ONECUT1: variants seen among roughly 807,000 people sequenced by gnomAD.
ONECUT1 encodes the protein one cut homeobox 1, also known as hepatocyte nuclear factor 6.
Under a neutral mutation model 25.6 loss-of-function variants are expected in ONECUT1, and 12 were observed. The observed-to-expected ratio is 0.47, with a 90% CI of 0.30 to 0.76. The LOEUF is 0.76. Ranked by LOEUF, ONECUT1 falls within the 30% of genes least tolerant of loss-of-function variation. The probability of loss-of-function intolerance (pLI) is 0.07; values close to 1 mark genes in which losing one functional copy is unlikely to be tolerated. For missense variants in ONECUT1, 620 were observed against 651.2 expected (o/e 0.95, Z 0.52); for synonymous variants, 285 against 270.2 (o/e 1.05, Z -0.54).
In ONECUT1 at chr15:52,789,336, G is replaced by A; in HGVS notation, c.549C>T (p.Ser183=). ...AGMGQSLSPL[S]SSGLGSIHNS... is the part of the protein sequence containing the mutation. ...TGTGGATGCTGCCCAGACCGGAGCTGGAGAGGGGCGAGAGGCTCTGGCCCA... is the reference window on the plus strand; with the variant it reads ...TGTGGATGCTGCCCAGACCGGAGCTAGAGAGGGGCGAGAGGCTCTGGCCCA... The change falls in exon 1 of 2, where the codon TCC becomes TCT. Residue 183 remains serine, a synonymous_variant. Transcript: ENST00000305901. This position sits in a 1 kb window ranked among gnomAD's most constrained non-coding sequence, Gnocchi z 4.1. 1.9e-6 allele frequency: 3 copies of A among 1,592,202 alleles called. No individual in the cohort carries two copies. The highest frequency in any genetic ancestry group is 8.6e-7 in the Non-Finnish European group (1 of 1,167,088).
rs1596055678 is a variant in ONECUT1 at position 52,781,502 on chromosome 15, A to G, written c.1105+7278T>C. Among the ~76,000 whole-genome samples the G allele has an allele frequency of 2.0e-5, 3 of 152,180 alleles. No individual in the cohort carries two copies. The East Asian group carries it at 5.8e-4, about 29-fold the overall frequency. On this transcript the variant is annotated intron_variant, in intron 1 of 1. Transcript: ENST00000305901. ...CATTCTGACTCCACTAACCTGGTGC[A>G]CCTGTCCTGGCAACAGAAGCATGGG...
chr15:52,772,987 TA>T (rs1459266962), intron 1 of ONECUT1, among the ~76,000 whole-genome samples: 2 of 152,224 alleles, frequency 1.3e-5, no homozygotes, highest in African/African-American at 4.8e-5. Flanking sequence ...CAGGGCTTGT[TA>T]AAACGTGACA....
intron 1 of ONECUT1, among the ~76,000 whole-genome samples, chr15:52,781,650 G>A (rs2083842075): frequency 6.6e-6 from 1 of 152,208 alleles, no homozygotes; most frequent in Non-Finnish European, 1.5e-5. Flanking sequence ...AGGGAAAAAA[G>A]TGGTAAATAC....
Position 52,761,866 on chromosome 15 carries a change from T to A in ONECUT1, c.1106-4019A>T, listed in dbSNP as rs144435523. ...TAGGAAATGCAGATGGAGAAATGAG[T>A]TTTATGAGGATAGTAACCACTTCTC... On this transcript the variant is annotated intron_variant, in intron 1 of 1. Coordinates refer to ENST00000305901, the MANE Select transcript of ONECUT1 (RefSeq NM_004498.4). Among the ~76,000 whole-genome samples, 282 of 152,028 alleles carry A rather than the reference T, an allele frequency of 1.9e-3. 1 individual carries two copies. The highest frequency in any genetic ancestry group is 6.5e-3 in the African/African-American group (268 of 41,444).
At position 52,788,955 on chromosome 15, in the gene ONECUT1, G is replaced by A. The variant is rs145547859; in HGVS notation, c.930C>T (p.Ile310=). The change falls in exon 1 of 2, where the codon ATC becomes ATT. Residue 310 remains isoleucine, a synonymous_variant. Coordinates refer to ENST00000305901, the MANE Select transcript of ONECUT1 (RefSeq NM_004498.4). The surrounding 1 kb of genome is among the most constrained non-coding windows in gnomAD (Gnocchi z 4.3). ...CCCTCTGCGCGAAGATGGCCTGTGG[G>A]ATGCTGTAGCGCTTGAGCTCGGTGG... is the stretch of plus-strand genomic sequence containing the variant. ...RITTELKRYS[I]PQAIFAQRVL... is the part of the protein sequence containing the mutation. 57 of 1,613,582 alleles carry A rather than the reference G, an allele frequency of 3.5e-5. No homozygotes were observed. The highest frequency in any genetic ancestry group is 2.0e-4 in the Admixed American group (12 of 60,018).
intron 1 of ONECUT1, among the ~76,000 whole-genome samples, chr15:52,766,098 G>A (rs948662328): frequency 2.0e-5 from 3 of 152,228 alleles, no homozygotes; most frequent in Non-Finnish European, 4.4e-5. Context: ...AGAACATGCA[G>A]AGAGCAGACA....
chr15:52,760,941 G>T (rs2083702291), intron 1 of ONECUT1, among the ~76,000 whole-genome samples: 1 of 151,396 alleles, frequency 6.6e-6, no homozygotes, highest in South Asian at 2.1e-4. Context: ...CTGTGCACTT[G>T]TTCCTCCAGC....
intron 1 of ONECUT1, among the ~76,000 whole-genome samples, chr15:52,761,210 T>A (rs1341125057): frequency 6.6e-6 from 1 of 152,144 alleles, no homozygotes; most frequent in Non-Finnish European, 1.5e-5. Flanking sequence ...ATGAGGCTAT[T>A]TTTGCACCTA....
At chr15:52,775,608 T>C (rs2083794850) in intron 1 of ONECUT1, among the ~76,000 whole-genome samples, 1 of 152,120 alleles carries the variant, frequency 6.6e-6, no homozygotes, top group Admixed American at 6.6e-5. Flanking sequence ...AAAACTTGTT[T>C]TTTTCTGTAT....
chr15:52,767,486 G>A (rs7172228), intron 1 of ONECUT1, among the ~76,000 whole-genome samples: 1 of 151,906 alleles, frequency 6.6e-6, no homozygotes, highest in African/African-American at 2.4e-5. Flanking sequence ...TCATTCACGC[G>A]CATGTGCACA....
chr15:52,775,452 AACAC>A lies in ONECUT1; in HGVS notation c.1105+13324_1105+13327del, dbSNP rs139797470. The stretch of plus-strand genomic sequence containing the variant: ...AGGCCCTTGATTATTTTTAAAGAGG[AACAC>A]ACACACACACACACACACACACACA... On this transcript the variant is annotated intron_variant, in intron 1 of 1. Coordinates refer to ENST00000305901, the MANE Select transcript of ONECUT1 (RefSeq NM_004498.4). Among the ~76,000 whole-genome samples the A allele has an allele frequency of 9.2e-3, 1,292 of 140,970 alleles. 4 individuals are homozygous for A. Among genetic ancestry groups the A allele is most frequent in the Admixed American group, 0.025 (354 of 13,988 alleles). 92.5% of individuals were successfully genotyped at this position (140,970 alleles called of 152,430 possible).
chr15:52,762,723 A>G (rs1240029710), intron 1 of ONECUT1, among the ~76,000 whole-genome samples: 1 of 152,200 alleles, frequency 6.6e-6, no homozygotes, highest in African/African-American at 2.4e-5. Flanking sequence ...CCAAAGCTGG[A>G]GGTGCTGAAA....
chr15:52,779,568 C>G (rs2083826618), intron 1 of ONECUT1, among the ~76,000 whole-genome samples: 1 of 152,058 alleles, frequency 6.6e-6, no homozygotes, highest in Admixed American at 6.5e-5. Context: ...ATAAACAGTC[C>G]CCAATTATCT....
At position 52,757,502 on chromosome 15, in the gene ONECUT1, AT is replaced by A; in HGVS notation, c.*52del. 11 of 1,538,348 alleles carry A rather than the reference AT, an allele frequency of 7.2e-6. No individual in the cohort carries two copies. The highest frequency in any genetic ancestry group is 7.9e-6 in the Non-Finnish European group (9 of 1,145,148). On this transcript the variant is annotated 3_prime_UTR_variant, in exon 2 of 2. Transcript: ENST00000305901. ...ATCTTGAGGTCCTGGTCTTTTAAAA[AT>A]TTTTTTTAATTTAAAGCTTTTCCAC...
At position 52,769,517 on chromosome 15, in the gene ONECUT1, A is replaced by T. The variant is rs142944918; in HGVS notation, c.1106-11670T>A. On this transcript the variant is annotated intron_variant, in intron 1 of 1. Transcript: ENST00000305901. ...ATATCAGAAACATATGGGGATATAT[A>T]TGGGGAATATATGGGGATATAGCTG... 1.2e-4 allele frequency among the ~76,000 whole-genome samples: 18 copies of T among 152,262 alleles called. No homozygotes were observed. In the East Asian group the frequency reaches 3.5e-3, roughly 29 times the overall value.
chr15:52,781,557 C>T (rs760271160), intron 1 of ONECUT1, among the ~76,000 whole-genome samples: 3 of 152,204 alleles, frequency 2.0e-5, no homozygotes, highest in African/African-American at 2.4e-5. Flanking sequence ...GGGCTTTGGA[C>T]TGGGAAAGCT....
At chr15:52,776,471 C>T (rs1018193301) in intron 1 of ONECUT1, among the ~76,000 whole-genome samples, 21 of 152,332 alleles carry the variant, frequency 1.4e-4, no homozygotes, top group Middle Eastern at 3.4e-3. Context: ...ATCAGACCCT[C>T]AGAATCTATT....
rs373814917 is a variant in ONECUT1 at position 52,788,738 on chromosome 15, T to C, written c.1105+42A>G. On this transcript the variant is annotated intron_variant, in intron 1 of 1. Coordinates refer to ENST00000305901, the MANE Select transcript of ONECUT1 (RefSeq NM_004498.4). The surrounding 1 kb of genome is among the most constrained non-coding windows in gnomAD (Gnocchi z 4.3). ...CCTCCTTTGGTCCCTTCGGCTTTCGTGTACCTTATCTCCCGCGCGCCCAGC... is the reference window on the plus strand; with the variant it reads ...CCTCCTTTGGTCCCTTCGGCTTTCGCGTACCTTATCTCCCGCGCGCCCAGC... The C allele has an allele frequency of 2.3e-5, 36 of 1,568,946 alleles. No homozygotes were observed. Among genetic ancestry groups the C allele is most frequent in the Non-Finnish European group, 2.7e-5 (31 of 1,158,540 alleles).
chr15:52,757,154 G>C lies in ONECUT1; in HGVS notation c.*401C>G, dbSNP rs2083677621. 5.5e-6 allele frequency: 1 copy of C among 181,046 alleles called. No individual in the cohort carries two copies. Among genetic ancestry groups the C allele is most frequent in the African/African-American group, 2.4e-5 (1 of 41,772 alleles). 11.2% of individuals were successfully genotyped at this position (181,046 alleles called of 1,614,324 possible). ...GCTCTGCCTAAGTCTGTAACCACTG[G>C]TGGTGGTAGTACTGAGACACCATAC... On this transcript the variant is annotated 3_prime_UTR_variant, in exon 2 of 2. Coordinates refer to ENST00000305901, the MANE Select transcript of ONECUT1 (RefSeq NM_004498.4).
Sources: allele counts gnomAD v4.1 joint callset (sites outside exome capture counted in the v4.1 genomes callset), GRCh38; gene constraint gnomAD v4.1.1; non-coding constraint Gnocchi (gnomAD v3.1); transcripts MANE v1.5; gene names NCBI Gene and HGNC (gene_info 2026-07-23, HGNC 2026-07-21).